The following ARHGEF9 variants were observed in gnomAD, a reference collection of about 807,000 sequenced individuals.
The protein encoded by ARHGEF9 is rho guanine nucleotide exchange factor 9.
In ARHGEF9, 2 loss-of-function variants were observed where a neutral mutation model predicts 41.3. That is an observed-to-expected ratio of 0.05 (90% CI 0.02 to 0.15). ARHGEF9 has a LOEUF of 0.15. Among genes scored for constraint, ARHGEF9 ranks in the 10% least tolerant of loss-of-function variants. The pLI is 1.00. For synonymous variants in ARHGEF9, 160 were observed against 154.4 expected (o/e 1.04, Z -0.27); for missense variants, 225 against 424.7 (o/e 0.53, Z 4.13).
At chrX:63,723,300 C>G (rs145184635) in intron 2 of ARHGEF9, among the ~76,000 whole-genome samples, 234 of 111,070 alleles carry the variant, frequency 2.1e-3, no homozygotes, top group African/African-American at 7.6e-3. Context: ...AAAATCTTAC[C>G]AAAAGCTATA....
intron 1 of ARHGEF9, among the ~76,000 whole-genome samples, chrX:63,728,876 G>A (rs2054127633): frequency 9.0e-6 from 1 of 111,497 alleles, no homozygotes; most frequent in Admixed American, 9.6e-5. Flanking sequence ...AGGGGCATTT[G>A]AAGCAGAGAA....
At chrX:63,747,412 G>T (rs2055338756) in intron 1 of ARHGEF9, among the ~76,000 whole-genome samples, 1 of 111,744 alleles carries the variant, frequency 8.9e-6, no homozygotes, top group Admixed American at 9.5e-5. Context: ...TTTTTAGAGT[G>T]AGCACAAGCC....
At chrX:63,638,323 T>C (rs1556301619) in intron 9 of ARHGEF9, 114 bp from the exon 10 acceptor site, 5 of 672,242 alleles carry the variant, frequency 7.4e-6, no homozygotes, top group Non-Finnish European at 1.2e-5. Flanking sequence ...GTTTAGAGAG[T>C]GTGAACTGGT....
intron 1 of ARHGEF9, among the ~76,000 whole-genome samples, chrX:63,741,747 C>T (rs180981136): frequency 8.9e-6 from 1 of 112,671 alleles, no homozygotes; most frequent in East Asian, 2.8e-4. Flanking sequence ...ACAAGTATCC[C>T]TCATGTGTGT....
At chrX:63,695,157 C>G (rs1209172727) in intron 4 of ARHGEF9, among the ~76,000 whole-genome samples, 2 of 111,897 alleles carry the variant, frequency 1.8e-5, no homozygotes, top group East Asian at 5.7e-4. Context: ...AACTGGGTAG[C>G]AAGGCATTGC....
chrX:63,719,546 A>C (rs2147594312), intron 2 of ARHGEF9: 1 of 289,275 alleles, frequency 3.5e-6, no homozygotes, highest in South Asian at 2.3e-4. Context: ...GAATGACAGA[A>C]CACATTGTTT....
At chrX:63,660,246 A>G (rs1556340118) in intron 7 of ARHGEF9, among the ~76,000 whole-genome samples, 1 of 111,826 alleles carries the variant, frequency 8.9e-6, no homozygotes, top group East Asian at 2.8e-4. Flanking sequence ...TTGCAACAAC[A>G]TGGATGGAAC....
Position 63,698,609 on chromosome X carries a change from G to A in ARHGEF9, c.403-1305C>T, listed in dbSNP as rs150835070. On this transcript the variant is annotated intron_variant, in intron 3 of 9. Transcript: ENST00000671741. ...CACATATAGCCCTGTCCCTATCCTC[G>A]CTTTGTCTCCCTTAACACAGCTACC... 2.2e-3 allele frequency among the ~76,000 whole-genome samples: 240 copies of A among 110,814 alleles called. 1 individual carries two copies. Among genetic ancestry groups the A allele is most frequent in the African/African-American group, 7.2e-3 (220 of 30,455 alleles).
intron 1 of ARHGEF9, among the ~76,000 whole-genome samples, chrX:63,784,347 G>A (rs1351712333): frequency 1.8e-5 from 2 of 112,609 alleles, no homozygotes; most frequent in Non-Finnish European, 3.8e-5. Context: ...AGGTCTCCAG[G>A]TGGAGAAGGG....
intron 4 of ARHGEF9, among the ~76,000 whole-genome samples, chrX:63,680,323 T>C (rs1282433412): frequency 8.9e-6 from 1 of 112,081 alleles, no homozygotes; most frequent in African/African-American, 3.2e-5. Context: ...AACAGTTTCA[T>C]TTTGCTTGCA....
intron 1 of ARHGEF9, chrX:63,766,998 A>G: frequency 1.4e-6 from 1 of 695,286 alleles, no homozygotes. Flanking sequence ...GTTCTCCTTA[A>G]AGAAGTTAGA....
rs2047393962 is a variant in ARHGEF9 at position 63,637,904 on chromosome X, G to A, written c.*124C>T. On this transcript the variant is annotated 3_prime_UTR_variant, in exon 10 of 10. Transcript: ENST00000671741. Reference sequence around the variant, plus strand: ...TGTCTGTGTGTGTGTGTGTGTATGTGTACTCAAGGGTCTCTGTGTGTGTGT... The same window carrying A: ...TGTCTGTGTGTGTGTGTGTGTATGTATACTCAAGGGTCTCTGTGTGTGTGT... 2 of 482,962 alleles carry A rather than the reference G, an allele frequency of 4.1e-6. No individual in the cohort carries two copies. The highest frequency in any genetic ancestry group is 6.8e-6 in the Non-Finnish European group (2 of 292,901). The allele number at this position is 482,962 out of a possible 1,213,427, so 39.8% of individuals were successfully genotyped here. A position where few individuals can be genotyped will look rare whatever the true frequency, so the allele number is the denominator to read the frequency against.
Position 63,723,144 on chromosome X carries a change from A to G in ARHGEF9, c.210+1388T>C, listed in dbSNP as rs139657224. On this transcript the variant is annotated intron_variant, in intron 2 of 9. Transcript: ENST00000671741. ...GGTGATGATTATAATTATGATGATA[A>G]TCATAAAATAAGTTACCATTTGCTA... Among the ~76,000 whole-genome samples, 45 of 111,341 alleles carry G rather than the reference A, an allele frequency of 4.0e-4. 1 individual carries two copies. The East Asian group carries it at 9.1e-3, about 23-fold the overall frequency.
At chrX:63,750,025 G>C (rs1468984211) in intron 1 of ARHGEF9, among the ~76,000 whole-genome samples, 1 of 112,151 alleles carries the variant, frequency 8.9e-6, no homozygotes, top group African/African-American at 3.2e-5. Context: ...ATAAGAGCTA[G>C]AGAGTCCAAG....
chrX:63,653,205 A>G (rs1278496319), intron 8 of ARHGEF9, among the ~76,000 whole-genome samples: 1 of 111,626 alleles, frequency 9.0e-6, no homozygotes, highest in East Asian at 2.8e-4. Context: ...AGTAGAGCCT[A>G]GGTCTCACAC....
chrX:63,727,734 T>C (rs1175966325), intron 1 of ARHGEF9: 1 of 112,234 alleles, frequency 8.9e-6, no homozygotes, highest in African/African-American at 3.2e-5. Context: ...AGCGCTATTA[T>C]GTCAGGCACT....
chrX:63,762,193 A>C (rs1407637546), intron 1 of ARHGEF9, among the ~76,000 whole-genome samples: 1 of 111,940 alleles, frequency 8.9e-6, no homozygotes, highest in Non-Finnish European at 1.9e-5. Flanking sequence ...ATTTGTTTAC[A>C]AGCTTTATTT....
At chrX:63,772,957 G>A (rs1175157530) in intron 1 of ARHGEF9, among the ~76,000 whole-genome samples, 4 of 110,863 alleles carry the variant, frequency 3.6e-5, no homozygotes, top group African/African-American at 1.3e-4. Flanking sequence ...AATGTGTCAG[G>A]ATCTTTCCCC....
chrX:63,735,080 G>T (rs1414156428), intron 1 of ARHGEF9, among the ~76,000 whole-genome samples: 1 of 110,753 alleles, frequency 9.0e-6, no homozygotes, highest in African/African-American at 3.3e-5. Flanking sequence ...TGTGAATGCC[G>T]AGCTCCAGCT....
Sources: allele counts gnomAD v4.1 joint callset (sites outside exome capture counted in the v4.1 genomes callset), GRCh38; gene constraint gnomAD v4.1.1; transcripts MANE v1.5; gene names NCBI Gene and HGNC (gene_info 2026-07-23, HGNC 2026-07-21).